The following FBXO43 variants were observed in gnomAD, a reference collection of about 807,000 sequenced individuals.
FBXO43 encodes F-box only protein 43.
A neutral mutation model predicts 56.7 loss-of-function variants in FBXO43; 22 were observed. The observed-to-expected ratio is 0.39, with a 90% CI of 0.28 to 0.55. FBXO43 has a LOEUF of 0.55. Ranked by LOEUF, FBXO43 falls within the 20% of genes least tolerant of loss-of-function variation. The probability of loss-of-function intolerance (pLI) is 0.66; values close to 1 mark genes in which losing one functional copy is unlikely to be tolerated. For missense variants in FBXO43, 733 were observed against 814.9 expected, an observed-to-expected ratio of 0.90 and a Z score of 1.22; for synonymous variants, 306 against 294.5, an observed-to-expected ratio of 1.04 and a Z score of -0.40.
chr8:100,137,495 G>T (rs753509957), intron 3 of FBXO43, 70 bp downstream of exon 3: 1 of 1,022,162 alleles, frequency 9.8e-7, no homozygotes, highest in Non-Finnish European at 1.4e-6. Context: ...AACCAAATTA[G>T]GTTGTCTAGC....
rs1814622206 is a variant in FBXO43 at position 100,140,935 on chromosome 8, G to T, written c.1319C>A (p.Thr440Asn). The change falls in exon 2 of 5, where the codon ACC becomes AAC. Residue 440 changes from threonine to asparagine, a missense_variant. By Grantham distance (65) the Thr-to-Asn change is moderately conservative. Transcript: ENST00000428847. ...LTFSLKNLSK[T>N]PALQLVHELF... is the part of the protein sequence containing the mutation. The stretch of plus-strand genomic sequence containing the variant: ...CTCATGTACCAATTGCAAGGCTGGG[G>T]TCTTTGATAAATTCTTTAAGCTAAA... 1 of 1,614,034 alleles carries T rather than the reference G, an allele frequency of 6.2e-7. No individual in the cohort carries two copies. Among genetic ancestry groups the T allele is most frequent in the South Asian group, 1.1e-5 (1 of 91,088 alleles).
chr8:100,133,924 C>G lies in FBXO43; in HGVS notation c.2005G>C (p.Val669Leu). 6.2e-7 allele frequency: 1 copy of G among 1,614,166 alleles called. No individual in the cohort carries two copies. The highest frequency in any genetic ancestry group is 8.5e-7 in the Non-Finnish European group (1 of 1,180,020). The change falls in exon 5 of 5, where the codon GTG (valine) becomes CTG (leucine). Residue 669 changes from valine to leucine, a missense_variant. Physicochemically the swap from Val to Leu is conservative, Grantham distance 32. Coordinates refer to ENST00000428847, the MANE Select transcript of FBXO43 (RefSeq NM_001029860.4). ...CCATGATAAGCACACAGACATAACA[C>G]ACAAAAGTCAAAACCACAGGCTGTT... ...SRTACGFDFCVLCLCAYHGSE... is the reference protein window; with the variant it reads ...SRTACGFDFCLLCLCAYHGSE...
In FBXO43 at chr8:100,140,884, C is replaced by G. The variant is rs954142586; in HGVS notation, c.1370G>C (p.Arg457Thr). ...HELFMKSKRK[R>T]LQENSGHEFL... Reference sequence around the variant, plus strand: ...TTCATGTCCACTATTTTCCTGTAATCTTTTCCTCTTGCTTTTCATGAACAG... The same window carrying G: ...TTCATGTCCACTATTTTCCTGTAATGTTTTCCTCTTGCTTTTCATGAACAG... Residue 457 changes from arginine to threonine, a missense_variant, in exon 2 of 5, where the codon AGA becomes ACA. Physicochemically the swap from Arg to Thr is moderately conservative, Grantham distance 71 (BLOSUM62 -1). Transcript: ENST00000428847. The G allele has an allele frequency of 6.2e-7, 1 of 1,614,156 alleles. No homozygotes were observed. The highest frequency in any genetic ancestry group is 1.1e-5 in the South Asian group (1 of 91,068).
chr8:100,144,862 G>A lies in FBXO43; in HGVS notation c.85+189C>T, dbSNP rs925131790. On this transcript the variant is annotated intron_variant, in intron 1 of 4. Coordinates refer to ENST00000428847, the MANE Select transcript of FBXO43 (RefSeq NM_001029860.4). Reference sequence around the variant, plus strand: ...CAGGAGAATGGCGTGAACCCGGGAGGTGGAGCTTGCAGTGAGCCGAGATCG... The same window carrying A: ...CAGGAGAATGGCGTGAACCCGGGAGATGGAGCTTGCAGTGAGCCGAGATCG... The A allele has an allele frequency of 5.2e-5, 26 of 497,784 alleles. 1 individual carries two copies. Among genetic ancestry groups the A allele is most frequent in the African/African-American group, 4.5e-4 (22 of 48,868 alleles). The allele number at this position is 497,784 out of a possible 1,614,324, so 30.8% of individuals were successfully genotyped here.
chr8:100,141,729 A>C lies in FBXO43; in HGVS notation c.525T>G (p.Ser175=). 1.2e-6 allele frequency: 2 copies of C among 1,600,442 alleles called. No individual in the cohort carries two copies. Among genetic ancestry groups the C allele is most frequent in the Non-Finnish European group, 1.7e-6 (2 of 1,171,958 alleles). The part of the protein sequence containing the change: ...LKGDFESQNS[S]LESSISQVIN... ...TAACTTGGCTTATACTACTTTCTAA[A>C]GAACTATTTTGTGATTCAAAGTCCC... Residue 175 remains serine, a synonymous_variant, in exon 2 of 5, where the codon TCT becomes TCG. Transcript: ENST00000428847.
upstream of FBXO43, among the ~76,000 whole-genome samples, chr8:100,146,978 G>C (rs1431484582): frequency 6.6e-6 from 1 of 152,146 alleles, no homozygotes; most frequent in East Asian, 1.9e-4. Flanking sequence ...CTCCCGAGTA[G>C]CTGGGATGAC....
At chr8:100,147,250 T>A (rs1486916220), upstream of FBXO43, among the ~76,000 whole-genome samples, 4 of 152,118 alleles carry the variant, frequency 2.6e-5, no homozygotes, top group Non-Finnish European at 5.9e-5. Flanking sequence ...AGCTCATTGG[T>A]ATAGAGCAAG....
chr8:100,136,537 T>C (rs549725798), intron 3 of FBXO43, among the ~76,000 whole-genome samples: 1 of 152,234 alleles, frequency 6.6e-6, no homozygotes, highest in Non-Finnish European at 1.5e-5. Flanking sequence ...TCAGCTTCTA[T>C]AGGACTTTTC....
Position 100,145,433 on chromosome 8 carries a change from C to A in FBXO43, c.-298G>T, listed in dbSNP as rs1239812325. The A allele has an allele frequency of 1.2e-5, 3 of 254,146 alleles. No homozygotes were observed. Among genetic ancestry groups the A allele is most frequent in the Admixed American group, 5.5e-5 (1 of 18,270 alleles). 15.7% of individuals were successfully genotyped at this position (254,146 alleles called of 1,614,324 possible). A position where few individuals can be genotyped will look rare whatever the true frequency, so the allele number is the denominator to read the frequency against. ...CACTGACTCCCCCGAGGAGCTATGGCGGGCGGGTGGGTAACGGTCTCACCA... is the reference window on the plus strand; with the variant it reads ...CACTGACTCCCCCGAGGAGCTATGGAGGGCGGGTGGGTAACGGTCTCACCA... On this transcript the variant is annotated 5_prime_UTR_variant, in exon 1 of 5. Transcript: ENST00000428847.
chr8:100,137,727 T>C (rs1814518062), intron 2 of FBXO43, 60 bp from the exon 3 acceptor site: 1 of 1,245,818 alleles, frequency 8.0e-7, no homozygotes, highest in African/African-American at 1.5e-5. Flanking sequence ...CATTTTGTTG[T>C]ATACGCTAAC....
rs1204647848 is a variant in FBXO43 at position 100,142,227 on chromosome 8, C to A, written c.86-59G>T. 42 of 1,398,910 alleles carry A rather than the reference C, an allele frequency of 3.0e-5. No individual in the cohort carries two copies. In the East Asian group the frequency reaches 9.7e-4, roughly 32 times the overall value. The allele number at this position is 1,398,910 out of a possible 1,614,324, so 86.7% of individuals were successfully genotyped here. On this transcript the variant is annotated intron_variant, in intron 1 of 4. Coordinates refer to ENST00000428847, the MANE Select transcript of FBXO43 (RefSeq NM_001029860.4). ...AAATGAGTATCCAGGCAGCTTATAC[C>A]AAAATACATTATTTGTTATGAGTAC...
upstream of FBXO43, among the ~76,000 whole-genome samples, chr8:100,147,516 T>G (rs1814855829): frequency 6.6e-6 from 1 of 152,156 alleles, no homozygotes; most frequent in Non-Finnish European, 1.5e-5. Context: ...GAGGAAAGGA[T>G]TAGAGAAAAT....
upstream of FBXO43, among the ~76,000 whole-genome samples, chr8:100,148,141 A>C (rs1814863924): frequency 6.6e-6 from 1 of 152,252 alleles, no homozygotes; most frequent in Non-Finnish European, 1.5e-5. Context: ...GGTTAAGTAG[A>C]ATCCACATAA....
upstream of FBXO43, among the ~76,000 whole-genome samples, chr8:100,145,987 G>A (rs1385010025): frequency 6.6e-6 from 1 of 152,234 alleles, no homozygotes; most frequent in Admixed American, 6.5e-5. Flanking sequence ...GTCCCGAGGC[G>A]GGTCAGAAAG....
At chr8:100,149,370 A>C (rs1255559213), upstream of FBXO43, among the ~76,000 whole-genome samples, 1 of 152,204 alleles carries the variant, frequency 6.6e-6, no homozygotes, top group Non-Finnish European at 1.5e-5. Context: ...TGAAAGTTTG[A>C]CTTTTGGGAT....
chr8:100,136,268 T>A (rs1814468719), intron 3 of FBXO43, among the ~76,000 whole-genome samples: 1 of 152,264 alleles, frequency 6.6e-6, no homozygotes, highest in African/African-American at 2.4e-5. Flanking sequence ...TAGCAGTCCC[T>A]AATAGTTCAC....
chr8:100,141,750 G>A lies in FBXO43; in HGVS notation c.504C>T (p.Asp168=), dbSNP rs763515288. The change falls in exon 2 of 5, where the codon GAC becomes GAT. Residue 168 remains aspartate, a synonymous_variant. Transcript: ENST00000428847. The part of the protein sequence containing the change: ...LNVSFALLKG[D]FESQNSSLES... ...CTAAAGAACTATTTTGTGATTCAAA[G>A]TCCCCTTTTAGAAGAGCGAAAGATA... The A allele has an allele frequency of 1.3e-6, 2 of 1,595,338 alleles. No individual in the cohort carries two copies. The highest frequency in any genetic ancestry group is 1.4e-5 in the African/African-American group (1 of 73,942).
At chr8:100,146,811 T>C (rs1242310956), upstream of FBXO43, among the ~76,000 whole-genome samples, 2 of 152,166 alleles carry the variant, frequency 1.3e-5, no homozygotes, top group African/African-American at 4.8e-5. Context: ...GACTGGACAT[T>C]TCTCCAACTG....
chr8:100,135,319 A>C (rs1238088603), intron 3 of FBXO43, among the ~76,000 whole-genome samples: 2 of 152,174 alleles, frequency 1.3e-5, no homozygotes, highest in African/African-American at 4.8e-5. Flanking sequence ...CCTTCTATAG[A>C]AAATAGTAAA....
Sources: gnomAD v4.1 joint callset for allele counts (sites outside exome capture counted in the v4.1 genomes callset) on GRCh38, gnomAD v4.1.1 for gene constraint, MANE v1.5 for transcripts, NCBI Gene and HGNC (gene_info 2026-07-23, HGNC 2026-07-21) for gene names.